The following AHI1 variants were observed in gnomAD, a reference collection of about 807,000 sequenced individuals.
AHI1 encodes jouberin.
A neutral mutation model predicts 149.3 loss-of-function variants in AHI1; 123 were observed. The observed-to-expected ratio is 0.82, with a 90% CI of 0.71 to 0.96. The LOEUF (loss-of-function observed/expected upper bound fraction) is 0.96, where lower values mean the gene tolerates loss of function less well. AHI1 is among the 40% of genes least tolerant of loss of function. The pLI, the probability that AHI1 is intolerant of heterozygous loss-of-function variation, is 0.00. For synonymous variants in AHI1, 475 were observed against 459.8 expected (o/e 1.03, Z -0.42); for missense variants, 1,439 against 1,422.7 (o/e 1.01, Z -0.18).
intron 20 of AHI1, among the ~76,000 whole-genome samples, chr6:135,422,029 T>C (rs1335334892): frequency 6.6e-6 from 1 of 152,164 alleles, no homozygotes; most frequent in Non-Finnish European, 1.5e-5. Flanking sequence ...ATATAGAACG[T>C]AGAAAACAAA....
rs1053757029 is a variant in AHI1, at chr6:135,463,059, A to G, written c.931+66T>C. ...GTATACCCATCAGTTTTAAAGGGCT[A>G]AAATTCCTAGAATCAAGTTATTTCT... On this transcript the variant is annotated intron_variant, in intron 8 of 28. Coordinates refer to ENST00000265602, the MANE Select transcript of AHI1 (RefSeq NM_001134831.2). 4 of 1,368,006 alleles carry G rather than the reference A, an allele frequency of 2.9e-6. No individual in the cohort carries two copies. The African/African-American group carries it at 5.8e-5, about 20-fold the overall frequency. 84.7% of individuals were successfully genotyped at this position (1,368,006 alleles called of 1,614,324 possible).
At chr6:135,367,559 TTTTC>T (rs374572388) in intron 23 of AHI1, among the ~76,000 whole-genome samples, 1 of 152,110 alleles carries the variant, frequency 6.6e-6, no homozygotes, top group African/African-American at 2.4e-5. Flanking sequence ...TAAAAAAATT[TTTTC>T]TTTGTCTTTG....
intron 27 of AHI1, 74 bp downstream of exon 27, chr6:135,300,426 G>A: frequency 1.0e-5 from 14 of 1,336,994 alleles, no homozygotes; most frequent in East Asian, 8.2e-5. Context: ...ATAAAAATAA[G>A]AAATGGAGAA....
chr6:135,362,123 A>AGT (rs1442648557), intron 23 of AHI1, among the ~76,000 whole-genome samples: 3 of 151,476 alleles, frequency 2.0e-5, no homozygotes, highest in Non-Finnish European at 4.4e-5. Flanking sequence ...TGTAGGTGTG[A>AGT]GTGTGTGTAT....
intron 10 of AHI1, among the ~76,000 whole-genome samples, 181 bp downstream of exon 10, chr6:135,455,553 T>C (rs867167821): frequency 6.6e-6 from 1 of 152,168 alleles, no homozygotes; most frequent in Non-Finnish European, 1.5e-5. Context: ...GCAAATATGC[T>C]ATCACTGTTT....
intron 21 of AHI1, among the ~76,000 whole-genome samples, chr6:135,405,904 G>GA (rs933577797): frequency 9.7e-5 from 13 of 133,848 alleles, no homozygotes; most frequent in East Asian, 4.2e-4. Context: ...AAAAGAAAAA[G>GA]AAAAAAAAAT....
At chr6:135,330,768 C>G (rs139094054) in intron 24 of AHI1, among the ~76,000 whole-genome samples, 1 of 152,278 alleles carries the variant, frequency 6.6e-6, no homozygotes, top group African/African-American at 2.4e-5. Flanking sequence ...GCGTGGCTCA[C>G]GGGAATCTGC....
At chr6:135,451,631 G>A (rs979452434) in intron 11 of AHI1, among the ~76,000 whole-genome samples, 2 of 152,026 alleles carry the variant, frequency 1.3e-5, no homozygotes, top group Admixed American at 1.3e-4. Flanking sequence ...AAGAATTCTT[G>A]ACTGCCATTT....
At chr6:135,314,465 C>T (rs1467461117) in intron 26 of AHI1, among the ~76,000 whole-genome samples, 6 of 152,204 alleles carry the variant, frequency 3.9e-5, no homozygotes, top group Non-Finnish European at 5.9e-5. Flanking sequence ...GCAGACACAA[C>T]TAAGACAAGC....
intron 23 of AHI1, 186 bp downstream of exon 23, chr6:135,394,590 C>T: frequency 4.0e-6 from 3 of 754,306 alleles, no homozygotes; most frequent in Non-Finnish European, 6.3e-6. Context: ...TCTACTGTTA[C>T]CAATTCCAAA....
At chr6:135,446,951 A>T in intron 13 of AHI1, 57 bp downstream of exon 13, 1 of 1,510,680 alleles carries the variant, frequency 6.6e-7, no homozygotes. Context: ...GAGTTATTGG[A>T]GTTTTTAAGG....
At chr6:135,291,973 G>T (rs1176034009) in intron 27 of AHI1, among the ~76,000 whole-genome samples, 6 of 152,172 alleles carry the variant, frequency 3.9e-5, no homozygotes, top group African/African-American at 1.2e-4. Context: ...TCATCTAAAG[G>T]AGGCAGTCTA....
rs552053235 is a variant in AHI1, at chr6:135,402,142, T to A, written c.2988+2809A>T. Among the ~76,000 whole-genome samples, 8 of 152,250 alleles carry A rather than the reference T, an allele frequency of 5.3e-5. No individual in the cohort carries two copies. In the South Asian group the frequency reaches 1.7e-3, roughly 32 times the overall value. ...TATGATATAACCACTTTTCACCCAC[T>A]AGGATGGCTATAAAGAAGAGAATAC... On this transcript the variant is annotated intron_variant, in intron 22 of 28. Coordinates refer to ENST00000265602, the MANE Select transcript of AHI1 (RefSeq NM_001134831.2).
intron 24 of AHI1, among the ~76,000 whole-genome samples, chr6:135,338,255 G>A (rs1475649774): frequency 4.3e-5 from 6 of 140,988 alleles, no homozygotes; most frequent in Non-Finnish European, 7.5e-5. Context: ...AGCTGAGATC[G>A]CACCACTGAA....
chr6:135,366,289 T>C (rs1158457782), intron 23 of AHI1, among the ~76,000 whole-genome samples: 1 of 152,130 alleles, frequency 6.6e-6, no homozygotes, highest in Non-Finnish European at 1.5e-5. Context: ...ATTACGGTGA[T>C]ACGGGATTCA....
intron 19 of AHI1, 120 bp from the exon 20 acceptor site, chr6:135,427,427 T>A: frequency 2.3e-6 from 2 of 858,090 alleles, no homozygotes; most frequent in African/African-American, 1.7e-5. Flanking sequence ...TCACATTATT[T>A]ATGTGAAAAC....
chr6:135,314,935 A>G (rs1284370131), intron 26 of AHI1, among the ~76,000 whole-genome samples: 5 of 152,204 alleles, frequency 3.3e-5, no homozygotes, highest in Non-Finnish European at 7.3e-5. Flanking sequence ...TTACCTGGAA[A>G]GCTTTTGAAA....
intron 23 of AHI1, among the ~76,000 whole-genome samples, chr6:135,393,208 G>A (rs1294301454): frequency 1.3e-5 from 2 of 151,756 alleles, no homozygotes; most frequent in Non-Finnish European, 2.9e-5. Context: ...TTGTCTCAGT[G>A]GTAATCCTTC....
chr6:135,382,044 A>C (rs189994905), intron 23 of AHI1, among the ~76,000 whole-genome samples: 18 of 152,378 alleles, frequency 1.2e-4, no homozygotes, highest in African/African-American at 4.3e-4. Context: ...GTTAGAAATC[A>C]TTCTTAACTT....
Sources: allele counts gnomAD v4.1 joint callset (sites outside exome capture counted in the v4.1 genomes callset), GRCh38; gene constraint gnomAD v4.1.1; transcripts MANE v1.5; gene names NCBI Gene and HGNC (gene_info 2026-07-23, HGNC 2026-07-21).